POLR3B: variants seen among roughly 807,000 people sequenced by gnomAD.
POLR3B encodes DNA-directed RNA polymerase III subunit RPC2.
POLR3B carries 96 observed loss-of-function variants against 147.4 expected under a neutral mutation model. The ratio of observed to expected loss-of-function variants is 0.65; its 90% CI spans 0.55 to 0.77. POLR3B has a LOEUF of 0.77. Among genes scored for constraint, POLR3B ranks in the 30% least tolerant of loss-of-function variants. The probability of loss-of-function intolerance (pLI) is 0.00; values close to 1 mark genes in which losing one functional copy is unlikely to be tolerated. For missense variants in POLR3B, 1,036 were observed against 1,413.5 expected (o/e 0.73, Z 4.28); for synonymous variants, 461 against 485.9 (o/e 0.95, Z 0.67).
At chr12:106,372,297 G>C (rs1436631777) in intron 6 of POLR3B, among the ~76,000 whole-genome samples, 1 of 150,884 alleles carries the variant, frequency 6.6e-6, no homozygotes, top group Non-Finnish European at 1.5e-5. Flanking sequence ...TTTTTCTGGG[G>C]GTTATTACAT....
intron 23 of POLR3B, among the ~76,000 whole-genome samples, chr12:106,489,299 C>G (rs576798842): frequency 4.6e-5 from 7 of 152,270 alleles, no homozygotes; most frequent in African/African-American, 1.4e-4. Flanking sequence ...CAATAGAAGT[C>G]TAGTCTTATC....
intron 23 of POLR3B, among the ~76,000 whole-genome samples, chr12:106,470,135 G>T (rs1486881996): frequency 6.6e-6 from 1 of 152,052 alleles, no homozygotes; most frequent in Non-Finnish European, 1.5e-5. Flanking sequence ...ATTTCTTGGA[G>T]GCTTTGTTCA....
At chr12:106,476,686 C>T (rs1473299316) in intron 23 of POLR3B, among the ~76,000 whole-genome samples, 4 of 149,216 alleles carry the variant, frequency 2.7e-5, no homozygotes, top group Admixed American at 1.3e-4. Flanking sequence ...GCATTCTTCA[C>T]GTAGTTCTCG....
intron 23 of POLR3B, among the ~76,000 whole-genome samples, chr12:106,477,816 C>G (rs1398189692): frequency 6.6e-6 from 1 of 151,664 alleles, no homozygotes; most frequent in South Asian, 2.1e-4. Flanking sequence ...GCAGAAATCA[C>G]CCGTCTTCTG....
intron 25 of POLR3B, among the ~76,000 whole-genome samples, chr12:106,497,862 A>G (rs1383148951): frequency 6.6e-6 from 1 of 152,126 alleles, no homozygotes; most frequent in East Asian, 1.9e-4. Context: ...CATACTGCCC[A>G]TTTGCTGCTT....
chr12:106,491,258 C>T (rs1234589549), intron 23 of POLR3B, among the ~76,000 whole-genome samples: 2 of 152,180 alleles, frequency 1.3e-5, no homozygotes, highest in Non-Finnish European at 1.5e-5. Context: ...ACAACTAAGG[C>T]TCACCAGAAA....
At position 106,378,292 on chromosome 12, in the gene POLR3B, A is replaced by G. The variant is rs1267212002; in HGVS notation, c.522A>G (p.Val174=). 6 of 1,612,918 alleles carry G rather than the reference A, an allele frequency of 3.7e-6. No homozygotes were observed. Among genetic ancestry groups the G allele is most frequent in the East Asian group, 2.2e-5 (1 of 44,876 alleles). Residue 174 remains valine (V), a synonymous_variant, in exon 8 of 28, where the codon GTA becomes GTG. Transcript: ENST00000228347. ...GTGGCTACTTCATTGTTAAAGGAGT[A>G]GAAAAAGTTATTCTTATCCAAGAGC... ...DPGGYFIVKG[V]EKVILIQEQL...
chr12:106,386,563 A>G (rs976864053), intron 9 of POLR3B, among the ~76,000 whole-genome samples: 4 of 152,146 alleles, frequency 2.6e-5, no homozygotes, highest in African/African-American at 9.7e-5. Flanking sequence ...TCATGCATAC[A>G]TTAAAATCAG....
intron 4 of POLR3B, among the ~76,000 whole-genome samples, chr12:106,367,817 T>A (rs1301119717): frequency 6.6e-6 from 1 of 152,252 alleles, no homozygotes; most frequent in African/African-American, 2.4e-5. Flanking sequence ...TCTTTGAGAC[T>A]ATGCAAATAC....
chr12:106,421,722 C>T (rs1232241121), intron 12 of POLR3B, among the ~76,000 whole-genome samples: 2 of 151,678 alleles, frequency 1.3e-5, no homozygotes, highest in Non-Finnish European at 2.9e-5. Flanking sequence ...TTTTTTGAGA[C>T]AGAGTCTGGC....
intron 5 of POLR3B, 68 bp from the exon 6 acceptor site, chr12:106,369,515 A>C: frequency 9.2e-7 from 1 of 1,087,276 alleles, no homozygotes; most frequent in Non-Finnish European, 1.4e-6. Flanking sequence ...CAGAAGGAGC[A>C]CTTTGAAGTG....
chr12:106,470,444 C>T (rs1456707800), intron 23 of POLR3B, among the ~76,000 whole-genome samples: 1 of 152,096 alleles, frequency 6.6e-6, no homozygotes, highest in Admixed American at 6.5e-5. Flanking sequence ...TTTCTGAAGC[C>T]TACTTCTGTC....
intron 23 of POLR3B, among the ~76,000 whole-genome samples, chr12:106,488,989 G>A (rs1319484533): frequency 6.6e-6 from 1 of 152,036 alleles, no homozygotes; most frequent in African/African-American, 2.4e-5. Flanking sequence ...AGGAAAAAGC[G>A]GACTCCTTTG....
chr12:106,412,480 G>A (rs2037241144), intron 12 of POLR3B, among the ~76,000 whole-genome samples: 1 of 152,140 alleles, frequency 6.6e-6, no homozygotes, highest in African/African-American at 2.4e-5. Context: ...ATTTGACAGG[G>A]ATCACTGCCT....
rs1160385467 is a variant in POLR3B at position 106,510,028 on chromosome 12, A to G, written c.*479A>G. On this transcript the variant is annotated 3_prime_UTR_variant, in exon 28 of 28. Transcript: ENST00000228347. ...TCGGATAAATTTTCCCAACAATTAA[A>G]TCTTGCCTTTACACACCCAAACTTT... 1 of 175,630 alleles carries G rather than the reference A, an allele frequency of 5.7e-6. No individual in the cohort carries two copies. Among genetic ancestry groups the G allele is most frequent in the Non-Finnish European group, 1.2e-5 (1 of 81,770 alleles). The allele number at this position is 175,630 out of a possible 1,614,324, so 10.9% of individuals were successfully genotyped here.
intron 23 of POLR3B, among the ~76,000 whole-genome samples, chr12:106,493,586 T>A (rs959861022): frequency 3.3e-5 from 5 of 152,240 alleles, no homozygotes; most frequent in African/African-American, 1.2e-4. Flanking sequence ...TGTATTAAAA[T>A]CTGTCAGCTA....
At chr12:106,403,974 T>G (rs2037111636) in intron 10 of POLR3B, among the ~76,000 whole-genome samples, 1 of 151,898 alleles carries the variant, frequency 6.6e-6, no homozygotes, top group Non-Finnish European at 1.5e-5. Flanking sequence ...TAATAAAATT[T>G]TAAAAAAAAG....
At chr12:106,475,256 T>C (rs2038149806) in intron 23 of POLR3B, among the ~76,000 whole-genome samples, 1 of 118,544 alleles carries the variant, frequency 8.4e-6, no homozygotes. Context: ...TCTGTTCTTT[T>C]ACATTGGCTG....
At chr12:106,411,098 A>G in intron 12 of POLR3B, 138 bp downstream of exon 12, 1 of 712,450 alleles carries the variant, frequency 1.4e-6, no homozygotes, top group Non-Finnish European at 2.4e-6. Flanking sequence ...CTGACTTATT[A>G]TCTCCTAGAA....
Sources: allele counts gnomAD v4.1 joint callset (sites outside exome capture counted in the v4.1 genomes callset), GRCh38; gene constraint gnomAD v4.1.1; transcripts MANE v1.5; gene names NCBI Gene and HGNC (gene_info 2026-07-23, HGNC 2026-07-21).